Variants in PPP2R2A observed in about 807,000 individuals in gnomAD.
PPP2R2A encodes the protein protein phosphatase 2 regulatory subunit Balpha.
Under a neutral mutation model 53.2 loss-of-function variants are expected in PPP2R2A, and 9 were observed. That is an observed-to-expected ratio of 0.17 (90% CI 0.10 to 0.30). PPP2R2A has a LOEUF of 0.30. Among genes scored for constraint, PPP2R2A ranks in the 10% least tolerant of loss-of-function variants. The probability of loss-of-function intolerance (pLI) is 1.00; values close to 1 mark genes in which losing one functional copy is unlikely to be tolerated. For synonymous variants in PPP2R2A, 169 were observed against 174.2 expected, an observed-to-expected ratio of 0.97 and a Z score of 0.23; for missense variants, 235 against 534.6, an observed-to-expected ratio of 0.44 and a Z score of 5.53.
At chr8:26,329,769 C>T (rs115181436) in intron 2 of PPP2R2A, among the ~76,000 whole-genome samples, 136 of 152,266 alleles carry the variant, frequency 8.9e-4, no homozygotes, top group African/African-American at 3.1e-3. Context: ...ATAGAGGCCA[C>T]GACTTTTAGT....
chr8:26,333,255 C>T (rs1803475274), intron 2 of PPP2R2A, among the ~76,000 whole-genome samples: 1 of 152,186 alleles, frequency 6.6e-6, no homozygotes, highest in African/African-American at 2.4e-5. Flanking sequence ...GGCTAAGTTC[C>T]ATTAAAGAAT....
Position 26,362,310 on chromosome 8 carries a change from C to G in PPP2R2A, c.638-374C>G, listed in dbSNP as rs1032778506. On this transcript the variant is annotated intron_variant, in intron 6 of 9. Coordinates refer to ENST00000380737, the MANE Select transcript of PPP2R2A (RefSeq NM_002717.4). This position sits in a 1 kb window ranked among gnomAD's most constrained non-coding sequence, Gnocchi z 4.4. ...AGGAGGTCGAGACCAGCCTGGCCAACATAGTGAAACCCCGTCTCTACTAAA... is the reference window on the plus strand; with the variant it reads ...AGGAGGTCGAGACCAGCCTGGCCAAGATAGTGAAACCCCGTCTCTACTAAA... 6.8e-6 allele frequency among the ~76,000 whole-genome samples: 1 copy of G among 147,986 alleles called. No individual in the cohort carries two copies. Among genetic ancestry groups the G allele is most frequent in the Non-Finnish European group, 1.5e-5 (1 of 67,050 alleles).
intron 2 of PPP2R2A, among the ~76,000 whole-genome samples, chr8:26,295,100 G>C (rs925815045): frequency 2.6e-5 from 4 of 152,138 alleles, no homozygotes; most frequent in African/African-American, 9.7e-5. Flanking sequence ...CATTAGTTCT[G>C]TGCAGTTGTG....
chr8:26,302,990 G>C (rs1801855986), intron 2 of PPP2R2A, among the ~76,000 whole-genome samples: 1 of 152,196 alleles, frequency 6.6e-6, no homozygotes, highest in South Asian at 2.1e-4. Context: ...GGTTTAGTCT[G>C]TTCATAGATT....
intron 2 of PPP2R2A, among the ~76,000 whole-genome samples, chr8:26,307,034 AT>A (rs1485473785): frequency 6.6e-6 from 1 of 152,192 alleles, no homozygotes; most frequent in African/African-American, 2.4e-5. Context: ...AGGAAAATGT[AT>A]TCTAGGAATC....
At chr8:26,349,380 G>A (rs978534045) in intron 3 of PPP2R2A, among the ~76,000 whole-genome samples, 10 of 152,192 alleles carry the variant, frequency 6.6e-5, no homozygotes, top group Admixed American at 6.5e-4. Context: ...GAGACGAAGA[G>A]ACTGTTGGAA....
intron 2 of PPP2R2A, among the ~76,000 whole-genome samples, chr8:26,324,065 T>C (rs943224613): frequency 6.6e-6 from 1 of 152,220 alleles, no homozygotes; most frequent in African/African-American, 2.4e-5. Context: ...AGAGTCTACA[T>C]TAATCTCACT....
chr8:26,329,379 C>CT (rs925678984), intron 2 of PPP2R2A, among the ~76,000 whole-genome samples: 18 of 152,176 alleles, frequency 1.2e-4, no homozygotes, highest in African/African-American at 4.3e-4. Flanking sequence ...CTTCTACTAC[C>CT]TTTTTTTCAA....
intron 2 of PPP2R2A, among the ~76,000 whole-genome samples, chr8:26,320,618 G>A (rs1356352773): frequency 6.6e-6 from 1 of 152,096 alleles, no homozygotes; most frequent in Non-Finnish European, 1.5e-5. Context: ...TCCTGTCTGT[G>A]CAATTAGTTC....
At chr8:26,335,151 C>T (rs1803589832) in intron 2 of PPP2R2A, among the ~76,000 whole-genome samples, 1 of 152,220 alleles carries the variant, frequency 6.6e-6, no homozygotes, top group Admixed American at 6.5e-5. Flanking sequence ...AAAGCTGCTT[C>T]AGCGTGCTCC....
chr8:26,342,210 T>C (rs1434634657), intron 3 of PPP2R2A, among the ~76,000 whole-genome samples: 1 of 152,226 alleles, frequency 6.6e-6, no homozygotes, highest in Non-Finnish European at 1.5e-5. Context: ...CCTGATGTAA[T>C]CACAGCCATC....
chr8:26,359,066 C>A, intron 4 of PPP2R2A: 1 of 398,116 alleles, frequency 2.5e-6, no homozygotes, highest in Non-Finnish European at 5.2e-6. Context: ...TCCCTTTGAA[C>A]AATGCTGTGA....
intron 2 of PPP2R2A, among the ~76,000 whole-genome samples, chr8:26,314,242 C>T (rs1195547501): frequency 3.3e-5 from 5 of 152,254 alleles, no homozygotes; most frequent in African/African-American, 9.6e-5. Context: ...AGACTGAATC[C>T]CCTCCTAGTA....
intron 2 of PPP2R2A, among the ~76,000 whole-genome samples, chr8:26,305,223 A>T (rs774290062): frequency 2.6e-5 from 4 of 152,136 alleles, no homozygotes; most frequent in Non-Finnish European, 4.4e-5. Context: ...TCCCTGTTGT[A>T]GTATGTGACA....
At chr8:26,298,248 TGTATTAAAGG>T in intron 2 of PPP2R2A, among the ~76,000 whole-genome samples, 1 of 152,312 alleles carries the variant, frequency 6.6e-6, no homozygotes, top group Admixed American at 6.5e-5. Flanking sequence ...AATCTAATAA[TGTATTAAAGG>T]GTTTAGGATG....
At chr8:26,331,347 GTTATC>G (rs2117300897) in intron 2 of PPP2R2A, among the ~76,000 whole-genome samples, 1 of 152,170 alleles carries the variant, frequency 6.6e-6, no homozygotes, top group South Asian at 2.1e-4. Flanking sequence ...ATAAATTCAG[GTTATC>G]TTAACTCCTT....
intron 1 of PPP2R2A, chr8:26,292,429 CA>C: frequency 1.0e-6 from 1 of 985,450 alleles, no homozygotes; most frequent in Non-Finnish European, 1.2e-6. Context: ...CCGAAGAGTG[CA>C]AGGCCTTTCA....
chr8:26,303,634 G>A (rs1801885768), intron 2 of PPP2R2A, among the ~76,000 whole-genome samples: 1 of 152,154 alleles, frequency 6.6e-6, no homozygotes, highest in Non-Finnish European at 1.5e-5. Flanking sequence ...TTCTAAGGAT[G>A]TAGTATCAAC....
rs750734157 is a variant in PPP2R2A at position 26,363,792 on chromosome 8, A to C, written c.874A>C (p.Lys292Gln). 6.2e-7 allele frequency: 1 copy of C among 1,608,848 alleles called. No individual in the cohort carries two copies. Among genetic ancestry groups the C allele is most frequent in the Non-Finnish European group, 8.5e-7 (1 of 1,176,308 alleles). ...AATCATCTCCTCTATTTCGGATGTA[A>C]AATTCAGCCATAGTGGTCGATATAT... ...SEIISSISDV[K>Q]FSHSGRYMMT... The change falls in exon 8 of 10, where the codon AAA becomes CAA. Residue 292 changes from lysine (K) to glutamine (Q), a missense_variant. By Grantham distance (53) the Lys-to-Gln change is moderately conservative (BLOSUM62 1). Transcript: ENST00000380737.
Sources: allele counts gnomAD v4.1 joint callset (sites outside exome capture counted in the v4.1 genomes callset), GRCh38; gene constraint gnomAD v4.1.1; non-coding constraint Gnocchi (gnomAD v3.1); transcripts MANE v1.5; gene names NCBI Gene and HGNC (gene_info 2026-07-23, HGNC 2026-07-21).